SNX31: variants seen among roughly 807,000 people sequenced by gnomAD.
The protein encoded by SNX31 is sorting nexin-31.
A neutral mutation model predicts 65.4 loss-of-function variants in SNX31; 58 were observed. The ratio of observed to expected loss-of-function variants is 0.89; its 90% confidence interval spans 0.72 to 1.10. The LOEUF is 1.10. Among genes scored for constraint, SNX31 ranks in the 50% least tolerant of loss-of-function variants. The pLI is 0.00. For missense variants in SNX31, 523 were observed against 529.7 expected (o/e 0.99, Z 0.12); for synonymous variants, 181 against 190.1 (o/e 0.95, Z 0.39).
chr8:100,648,618 C>T lies in SNX31; in HGVS notation c.141+656G>A, dbSNP rs773258031. 3.0e-4 allele frequency among the ~76,000 whole-genome samples: 45 copies of T among 152,074 alleles called. No individual in the cohort carries two copies. Among genetic ancestry groups the T allele is most frequent in the Non-Finnish European group, 5.9e-5 (4 of 68,020 alleles). On this transcript the variant is annotated intron_variant, in intron 2 of 13. Transcript: ENST00000311812. The surrounding 1 kb of genome is among the most constrained non-coding windows in gnomAD (Gnocchi z 4.3). ...TCTAATCCATTTTGAAGACTTATAACACCTCCTTATAAGAACAATGAAACC... is the reference window on the plus strand; with the variant it reads ...TCTAATCCATTTTGAAGACTTATAATACCTCCTTATAAGAACAATGAAACC...
At chr8:100,599,289 T>C (rs1815391878) in intron 9 of SNX31, among the ~76,000 whole-genome samples, 1 of 152,194 alleles carries the variant, frequency 6.6e-6, no homozygotes, top group South Asian at 2.1e-4. Flanking sequence ...GTAAGAACAA[T>C]AGTCTTACTA....
chr8:100,608,671 T>A, intron 7 of SNX31, 108 bp from the exon 8 acceptor site: 1 of 961,810 alleles, frequency 1.0e-6, no homozygotes, highest in Non-Finnish European at 1.6e-6. Flanking sequence ...CAGGGCCCCC[T>A]TTTCCAACAA....
chr8:100,662,968 A>C (rs1427304531), intron 1 of SNX31, among the ~76,000 whole-genome samples: 5 of 152,254 alleles, frequency 3.3e-5, no homozygotes, highest in Non-Finnish European at 5.9e-5. Flanking sequence ...GCTCCTTGCA[A>C]CAACATGGAT....
intron 7 of SNX31, among the ~76,000 whole-genome samples, chr8:100,611,251 G>A (rs1816685087): frequency 6.8e-6 from 1 of 147,144 alleles, no homozygotes; most frequent in Non-Finnish European, 1.5e-5. Flanking sequence ...ATCAGATCTG[G>A]TTGTAATCAT....
At chr8:100,628,813 GGT>G (rs35911139) in intron 4 of SNX31, among the ~76,000 whole-genome samples, 25,621 of 143,498 alleles carry the variant, frequency 0.18, 2,480 homozygotes, top group East Asian at 0.3. Flanking sequence ...AAATAAAATG[GGT>G]GTGTGTGTGT....
chr8:100,585,716 T>C (rs913741033), intron 11 of SNX31, among the ~76,000 whole-genome samples: 4 of 152,022 alleles, frequency 2.6e-5, no homozygotes, highest in African/African-American at 7.3e-5. Flanking sequence ...CAAAACCAGA[T>C]AATAAAATAA....
Position 100,639,108 on chromosome 8 carries a change from T to C in SNX31, c.142-3097A>G, listed in dbSNP as rs188082368. 2.4e-3 allele frequency among the ~76,000 whole-genome samples: 373 copies of C among 152,324 alleles called. 1 individual carries two copies. The highest frequency in any genetic ancestry group is 3.5e-3 in the Non-Finnish European group (241 of 68,030). Reference sequence around the variant, plus strand: ...TTTTTAGGGCAATAAAACTAGTCTATGTGAAACTAGAATTGTGGATGCATG... The same window carrying C: ...TTTTTAGGGCAATAAAACTAGTCTACGTGAAACTAGAATTGTGGATGCATG... On this transcript the variant is annotated intron_variant, in intron 2 of 13. Coordinates refer to ENST00000311812, the MANE Select transcript of SNX31 (RefSeq NM_152628.4).
intron 4 of SNX31, among the ~76,000 whole-genome samples, chr8:100,628,394 G>A (rs1277078623): frequency 6.6e-6 from 1 of 152,112 alleles, no homozygotes; most frequent in East Asian, 1.9e-4. Context: ...TATATACCAT[G>A]GAATACTATG....
rs750834721 is a variant in SNX31 at position 100,584,095 on chromosome 8, A to G, written c.1170+16T>C. 43 of 1,596,590 alleles carry G rather than the reference A, an allele frequency of 2.7e-5. No individual in the cohort carries two copies. In the Admixed American group the frequency reaches 4.0e-4, roughly 15 times the overall value. On this transcript the variant is annotated intron_variant, in intron 12 of 13. Transcript: ENST00000311812. The stretch of plus-strand genomic sequence containing the variant: ...GGAACGTAAAGTGAAAAATAGACAC[A>G]GATAAGAGCACTCACCATTTCTGTA...
intron 7 of SNX31, among the ~76,000 whole-genome samples, chr8:100,611,420 G>A (rs886832348): frequency 2.0e-5 from 3 of 152,124 alleles, no homozygotes; most frequent in Admixed American, 6.5e-5. Context: ...GATGCAGAAA[G>A]ATGGCTACCC....
Position 100,648,994 on chromosome 8 carries a change from C to A in SNX31, c.141+280G>T, listed in dbSNP as rs59908726. ...CCAGCGCCCTGCCAGGCGGCGCTAG[C>A]GGGGATCACCCGGCTGCAACTGCGA... is the stretch of plus-strand genomic sequence containing the variant. On this transcript the variant is annotated intron_variant, in intron 2 of 13. Coordinates refer to ENST00000311812, the MANE Select transcript of SNX31 (RefSeq NM_152628.4). The surrounding 1 kb of genome is among the most constrained non-coding windows in gnomAD (Gnocchi z 4.3). Among the ~76,000 whole-genome samples the A allele has an allele frequency of 0.016, 2,442 of 152,322 alleles. 61 individuals carry two copies. Among genetic ancestry groups the A allele is most frequent in the African/African-American group, 0.056 (2,307 of 41,562 alleles).
At chr8:100,581,003 T>C (rs995564211) in intron 12 of SNX31, among the ~76,000 whole-genome samples, 1 of 151,968 alleles carries the variant, frequency 6.6e-6, no homozygotes, top group African/African-American at 2.4e-5. Context: ...ATGGTTAATA[T>C]TGCCTTTAAG....
At position 100,660,388 on chromosome 8, in the gene SNX31, T is replaced by G. The variant is rs1214284401; in HGVS notation, c.-58+2754A>C. ...TCTAAGCCTAAACTCTTTGCAGCAATTTTTATTATTTATTTTAAATTTACT... is the reference window on the plus strand; with the variant it reads ...TCTAAGCCTAAACTCTTTGCAGCAAGTTTTATTATTTATTTTAAATTTACT... On this transcript the variant is annotated intron_variant, in intron 1 of 5. Transcript: ENST00000520352. This position sits in a 1 kb window ranked among gnomAD's most constrained non-coding sequence, Gnocchi z 4.1. Among the ~76,000 whole-genome samples, 3 of 152,184 alleles carry G rather than the reference T, an allele frequency of 2.0e-5. No homozygotes were observed. Among genetic ancestry groups the G allele is most frequent in the Admixed American group, 2.0e-4 (3 of 15,270 alleles).
chr8:100,574,613 C>T (rs1412073077), intron 13 of SNX31, among the ~76,000 whole-genome samples: 1 of 132,220 alleles, frequency 7.6e-6, no homozygotes, highest in Admixed American at 8.2e-5. Context: ...AGCCTGGCAA[C>T]AGAGTGAGAC....
intron 13 of SNX31, among the ~76,000 whole-genome samples, chr8:100,574,784 A>T (rs1387413560): frequency 6.6e-6 from 1 of 152,026 alleles, no homozygotes; most frequent in Non-Finnish European, 1.5e-5. Flanking sequence ...AACTACAAAA[A>T]CTAGCCGGAT....
intron 4 of SNX31, among the ~76,000 whole-genome samples, chr8:100,623,285 G>A (rs1013006844): frequency 1.3e-5 from 2 of 152,130 alleles, no homozygotes; most frequent in African/African-American, 2.4e-5. Flanking sequence ...TCACTGTCAT[G>A]AGAACAGCAA....
rs1323493968 is a variant in SNX31 at position 100,576,275 on chromosome 8, G to A, written c.1227+744C>T. Among the ~76,000 whole-genome samples the A allele has an allele frequency of 1.3e-5, 2 of 152,212 alleles. No homozygotes were observed. Among genetic ancestry groups the A allele is most frequent in the Non-Finnish European group, 2.9e-5 (2 of 68,038 alleles). ...TTACATACACACCAGTTCTGTGACAGGTGCTGGATCAAGAAGAAATCCCAT... is the reference window on the plus strand; with the variant it reads ...TTACATACACACCAGTTCTGTGACAAGTGCTGGATCAAGAAGAAATCCCAT... On this transcript the variant is annotated intron_variant, in intron 13 of 13. Coordinates refer to ENST00000311812, the MANE Select transcript of SNX31 (RefSeq NM_152628.4). The surrounding 1 kb of genome is among the most constrained non-coding windows in gnomAD (Gnocchi z 4.8).
rs1016574444 is a variant in SNX31, at chr8:100,630,970, T to C, written c.257-579A>G. Among the ~76,000 whole-genome samples the C allele has an allele frequency of 6.6e-5, 10 of 151,994 alleles. No individual in the cohort carries two copies. Among genetic ancestry groups the C allele is most frequent in the Admixed American group, 3.9e-4 (6 of 15,260 alleles). On this transcript the variant is annotated intron_variant, in intron 3 of 13. Coordinates refer to ENST00000311812, the MANE Select transcript of SNX31 (RefSeq NM_152628.4). The surrounding 1 kb of genome is among the most constrained non-coding windows in gnomAD (Gnocchi z 5.3). ...GCCCGGCTAATTTTTGTATTTTTAG[T>C]AGAGATGGGGTTTCACCATGTTGGC...
chr8:100,578,666 T>C lies in SNX31; in HGVS notation c.1171-1591A>G, dbSNP rs1240761777. Among the ~76,000 whole-genome samples the C allele has an allele frequency of 6.6e-6, 1 of 151,716 alleles. No homozygotes were observed. The highest frequency in any genetic ancestry group is 1.5e-5 in the Non-Finnish European group (1 of 67,956). ...TTCTTAATGGAAATGTTCACATATT[T>C]AAGCCTATTTCAATGATTTTTTATT... On this transcript the variant is annotated intron_variant, in intron 12 of 13. Transcript: ENST00000311812. This position sits in a 1 kb window ranked among gnomAD's most constrained non-coding sequence, Gnocchi z 4.7.
Sources: allele counts gnomAD v4.1 joint callset (sites outside exome capture counted in the v4.1 genomes callset), GRCh38; gene constraint gnomAD v4.1.1; non-coding constraint Gnocchi (gnomAD v3.1); transcripts MANE v1.5; gene names NCBI Gene and HGNC (gene_info 2026-07-23, HGNC 2026-07-21).